Variants in NUP214 observed in about 807,000 individuals in gnomAD.
NUP214 encodes the protein nucleoporin 214.
Under a neutral mutation model 196.2 loss-of-function variants are expected in NUP214, and 79 were observed. That is an observed-to-expected ratio of 0.40 (90% CI 0.34 to 0.49). The LOEUF (loss-of-function observed/expected upper bound fraction) is 0.49, where lower values mean the gene tolerates loss of function less well. Ranked by LOEUF, NUP214 falls within the 20% of genes least tolerant of loss-of-function variation. The pLI, the probability that NUP214 is intolerant of heterozygous loss-of-function variation, is 0.58. For missense variants in NUP214, 2,468 were observed against 2,539.0 expected (o/e 0.97, Z 0.60); for synonymous variants, 1,020 against 990.5 (o/e 1.03, Z -0.56).
Position 131,197,777 on chromosome 9 carries a change from G to A in NUP214, c.4283G>A (p.Gly1428Asp). Reference protein sequence around the residue: ...SAGSSGVISFGGTSLSAGKTS... With the variant: ...SAGSSGVISFDGTSLSAGKTS... ...GGATCCTCTGGGGTCATCAGTTTTG[G>A]TGGGACATCTCTAAGTGCTGGCAAG... Residue 1428 changes from glycine to aspartate, a missense_variant, in exon 29 of 36, where the codon GGT becomes GAT. Transcript: ENST00000359428. The A allele has an allele frequency of 4.3e-6, 7 of 1,614,160 alleles. No homozygotes were observed. The highest frequency in any genetic ancestry group is 1.3e-5 in the African/African-American group (1 of 75,028).
At chr9:131,204,983 G>A (rs181861651) in intron 30 of NUP214, among the ~76,000 whole-genome samples, 3 of 152,280 alleles carry the variant, frequency 2.0e-5, no homozygotes, top group Admixed American at 2.0e-4. Flanking sequence ...TGGCCACCTA[G>A]CATTTCTAAA....
At chr9:131,217,029 G>GAA (rs1834420367) in intron 31 of NUP214, among the ~76,000 whole-genome samples, 1 of 152,062 alleles carries the variant, frequency 6.6e-6, no homozygotes, top group Admixed American at 6.5e-5. Context: ...TGAATCATGA[G>GAA]CTAGTGTTCT....
At chr9:131,214,020 C>T (rs1564214356) in intron 30 of NUP214, among the ~76,000 whole-genome samples, 1 of 152,078 alleles carries the variant, frequency 6.6e-6, no homozygotes, top group East Asian at 1.9e-4. Flanking sequence ...GCAAGTAGTG[C>T]TCCAGCTGCT....
intron 11 of NUP214, chr9:131,141,741 A>G (rs1588128168): frequency 6.6e-6 from 1 of 152,314 alleles, no homozygotes; most frequent in Admixed American, 6.5e-5. Flanking sequence ...AGCCTCCCAA[A>G]GTGCTGGGAT....
Position 131,144,356 on chromosome 9 carries a change from T to C in NUP214, c.1371T>C (p.Ser457=), listed in dbSNP as rs1285691608. 6.2e-7 allele frequency: 1 copy of C among 1,614,184 alleles called. No homozygotes were observed. Residue 457 remains serine, a synonymous_variant, in exon 12 of 36, where the codon TCT becomes TCC. Coordinates refer to ENST00000359428, the MANE Select transcript of NUP214 (RefSeq NM_005085.4). ...CTTCTGCAGCTGCAGCCCCTGCCTC[T>C]CTGCCACCTTCATCACCTGCTGCTC... is the stretch of plus-strand genomic sequence containing the variant. ...LDASAAAAPA[S]LPPSSPAAPI...
intron 17 of NUP214, among the ~76,000 whole-genome samples, chr9:131,155,521 G>A (rs755837158): frequency 5.2e-4 from 79 of 152,004 alleles, no homozygotes; most frequent in Non-Finnish European, 1.0e-3. Context: ...TGTTGCATTC[G>A]CTTTTGGATT....
intron 33 of NUP214, chr9:131,229,951 A>G: frequency 2.8e-6 from 1 of 353,076 alleles, no homozygotes; most frequent in Non-Finnish European, 5.5e-6. Context: ...AGTCACCTCC[A>G]GACCCCAGAA....
intron 30 of NUP214, among the ~76,000 whole-genome samples, chr9:131,204,725 AAGG>A (rs2131059999): frequency 1.3e-5 from 2 of 152,318 alleles, no homozygotes; most frequent in South Asian, 2.1e-4. Flanking sequence ...AGAGTCCCAG[AAGG>A]AGAAGAGAGA....
rs761815451 is a variant in NUP214, at chr9:131,197,643, C to T, written c.4149C>T (p.His1383=). 1.9e-6 allele frequency: 3 copies of T among 1,614,170 alleles called. No individual in the cohort carries two copies. The South Asian group carries it at 3.3e-5, about 18-fold the overall frequency. The change falls in exon 29 of 36, where the codon CAC becomes CAT. Residue 1383 remains histidine (H), a synonymous_variant. Coordinates refer to ENST00000359428, the MANE Select transcript of NUP214 (RefSeq NM_005085.4). The part of the protein sequence containing the change: ...NFTAPPVLGK[H]TEPPVTSSAT... ...CTGCCCCCCCGGTGTTAGGGAAGCA[C>T]ACGGAGCCCCCTGTGACATCCTCTG...
chr9:131,174,441 TTTTTTCTTTTTTTC>T (rs1219576518), intron 22 of NUP214, 123 bp downstream of exon 22: 50 of 541,650 alleles, frequency 9.2e-5, no homozygotes, highest in African/African-American at 1.4e-4. Flanking sequence ...ACTTTTTTTT[TTTTTTCTTTTTTTC>T]TTTTTTTTTT....
chr9:131,157,716 GCT>G (rs1298212581), intron 17 of NUP214, among the ~76,000 whole-genome samples: 2 of 152,088 alleles, frequency 1.3e-5, no homozygotes, highest in African/African-American at 4.8e-5. Context: ...CATGATCTCA[GCT>G]CACTGCGACT....
Position 131,151,809 on chromosome 9 carries a change from A to G in NUP214, c.2351A>G (p.Glu784Gly), listed in dbSNP as rs1314715369. 1 of 1,613,770 alleles carries G rather than the reference A, an allele frequency of 6.2e-7. No individual in the cohort carries two copies. Reference sequence around the variant, plus strand: ...TTTGCTGGTGTTGAGGAAGCCAGAGAACAAAATGAAAGAAATCGTGACTCT... The same window carrying G: ...TTTGCTGGTGTTGAGGAAGCCAGAGGACAAAATGAAAGAAATCGTGACTCT... ...EGFAGVEEAR[E>G]QNERNRDSGY... The change falls in exon 17 of 36, where the codon GAA becomes GGA. Residue 784 changes from glutamate (E) to glycine (G), a missense_variant. This residue lies in a region of NUP214 where 1,801 missense variants were observed against 1,779.4 expected (regional missense o/e 1.01). Transcript: ENST00000359428.
In NUP214 at chr9:131,230,623, A is replaced by G. The variant is rs747043120; in HGVS notation, c.6075-7A>G. On this transcript the variant is annotated splice_region_variant and splice_polypyrimidine_tract_variant and intron_variant, in intron 33 of 35. Coordinates refer to ENST00000359428, the MANE Select transcript of NUP214 (RefSeq NM_005085.4). The stretch of plus-strand genomic sequence containing the variant: ...CTGACCTCAGTCTGTTTCTCACTGG[A>G]GCGCAGGTTTGGGAGCAGCAGCAAC... The G allele has an allele frequency of 1.4e-5, 22 of 1,613,828 alleles. No homozygotes were observed. The highest frequency in any genetic ancestry group is 1.8e-5 in the Non-Finnish European group (21 of 1,179,962).
chr9:131,190,752 G>T, intron 26 of NUP214: 1 of 306,700 alleles, frequency 3.3e-6, no homozygotes, highest in Non-Finnish European at 5.9e-6. Context: ...ATGATTTCAT[G>T]TATATCTCTT....
chr9:131,149,324 G>C (rs967179140), intron 14 of NUP214, among the ~76,000 whole-genome samples: 1 of 151,840 alleles, frequency 6.6e-6, no homozygotes, highest in East Asian at 1.9e-4. Flanking sequence ...ATAGTCTAAA[G>C]GGCATTTCAA....
intron 32 of NUP214, among the ~76,000 whole-genome samples, chr9:131,225,184 A>G (rs1366763817): frequency 6.6e-6 from 1 of 152,160 alleles, no homozygotes; most frequent in Non-Finnish European, 1.5e-5. Flanking sequence ...AGGCCAAGGA[A>G]GACAGATCAC....
chr9:131,150,251 T>G (rs889352110), intron 14 of NUP214, 73 bp from the exon 15 acceptor site: 1 of 1,295,370 alleles, frequency 7.7e-7, no homozygotes, highest in Admixed American at 1.7e-5. Context: ...CGCCACTCCC[T>G]GTAATAGGCT....
chr9:131,132,698 CATGTT>C, intron 6 of NUP214, 39 bp downstream of exon 6: 1 of 1,530,894 alleles, frequency 6.5e-7, no homozygotes, highest in Non-Finnish European at 9.1e-7. Context: ...CCTCTAATGA[CATGTT>C]ATGTATATTA....
Position 131,233,533 on chromosome 9 carries a change from C to T in NUP214, c.*46C>T. On this transcript the variant is annotated 3_prime_UTR_variant, in exon 36 of 36. Coordinates refer to ENST00000359428, the MANE Select transcript of NUP214 (RefSeq NM_005085.4). ...CGATCCCTGGGACCAACCGCATCCTCAGCTTCTTCCCCGAGAAATGCTGGA... is the reference window on the plus strand; with the variant it reads ...CGATCCCTGGGACCAACCGCATCCTTAGCTTCTTCCCCGAGAAATGCTGGA... The T allele has an allele frequency of 1.9e-6, 3 of 1,610,656 alleles. No homozygotes were observed. The highest frequency in any genetic ancestry group is 2.5e-6 in the Non-Finnish European group (3 of 1,177,744).
Sources: allele counts gnomAD v4.1 joint callset (sites outside exome capture counted in the v4.1 genomes callset), GRCh38; gene constraint gnomAD v4.1.1; regional missense constraint gnomAD v4.1.1; transcripts MANE v1.5; gene names NCBI Gene and HGNC (gene_info 2026-07-23, HGNC 2026-07-21).